Variants in SLMAP observed in about 807,000 individuals in gnomAD.
The protein encoded by SLMAP is sarcolemmal membrane-associated protein.
SLMAP carries 44 observed loss-of-function variants against 128.8 expected under a neutral mutation model. The observed-to-expected ratio is 0.34, with a 90% CI of 0.27 to 0.44. The LOEUF (loss-of-function observed/expected upper bound fraction) is 0.44, where lower values mean the gene tolerates loss of function less well. SLMAP is among the 20% of genes least tolerant of loss of function. The probability of loss-of-function intolerance (pLI) is 1.00; values close to 1 mark genes in which losing one functional copy is unlikely to be tolerated. For missense variants in SLMAP, 787 were observed against 985.3 expected, an observed-to-expected ratio of 0.80 and a Z score of 2.69; for synonymous variants, 327 against 348.8, an observed-to-expected ratio of 0.94 and a Z score of 0.70.
chr3:57,825,054 C>T (rs561392589), intron 2 of SLMAP, among the ~76,000 whole-genome samples: 4 of 152,136 alleles, frequency 2.6e-5, no homozygotes, highest in African/African-American at 9.6e-5. Flanking sequence ...TTGAATTATT[C>T]ATTGCTGGTA....
Position 57,839,480 on chromosome 3 carries a change from A to G in SLMAP, c.347-1819A>G, listed in dbSNP as rs1577347924. On this transcript the variant is annotated intron_variant, in intron 3 of 24. Coordinates refer to ENST00000671191, the MANE Select transcript of SLMAP (RefSeq NM_001377540.1). The stretch of plus-strand genomic sequence containing the variant: ...TTTTGAGATGGAGTCTCGCTCTGTC[A>G]CCCAGGCTGGAGTGCAGTGGCATGG... Among the ~76,000 whole-genome samples, 8 of 118,520 alleles carry G rather than the reference A, an allele frequency of 6.7e-5. 1 individual carries two copies. The Admixed American group carries it at 9.5e-4, about 14-fold the overall frequency. The allele number at this position is 118,520 out of a possible 152,430, so 77.8% of individuals were successfully genotyped here.
intron 10 of SLMAP, 22 bp downstream of exon 10, chr3:57,862,108 A>G: frequency 1.3e-6 from 2 of 1,533,714 alleles, no homozygotes; most frequent in Non-Finnish European, 1.8e-6. Context: ...CTCTGCCTGA[A>G]AGTATGTTAA....
intron 2 of SLMAP, among the ~76,000 whole-genome samples, chr3:57,818,724 G>A (rs1185314019): frequency 6.6e-6 from 1 of 152,128 alleles, no homozygotes; most frequent in Non-Finnish European, 1.5e-5. Context: ...TACCTTTGAT[G>A]GTAGTGAAAG....
At position 57,818,383 on chromosome 3, in the gene SLMAP, G is replaced by A. The variant is rs181756199; in HGVS notation, c.199-13000G>A. On this transcript the variant is annotated intron_variant, in intron 2 of 24. Coordinates refer to ENST00000671191, the MANE Select transcript of SLMAP (RefSeq NM_001377540.1). ...TTGGTCAGGCTGGTCTCGAACTCCC[G>A]ACCTCAGGTGATCCACCCGCCTCGG... 2.5e-3 allele frequency among the ~76,000 whole-genome samples: 386 copies of A among 152,238 alleles called. 1 individual carries two copies. In the East Asian group the frequency reaches 0.031, roughly 12 times the overall value.
rs143689400 is a variant in SLMAP, at chr3:57,917,039, A to T, written c.2272A>T (p.Ser758Cys). 2.0e-3 allele frequency: 3,231 copies of T among 1,613,986 alleles called. 4 individuals are homozygous for T. Among genetic ancestry groups the T allele is most frequent in the Non-Finnish European group, 2.5e-3 (2,965 of 1,179,922 alleles). ...RDSADLKTLL[S>C]KAENQAKDVQ... ...TTCAGCTGATTTAAAAACTCTTCTC[A>T]GTAAGGCAGAAAACCAAGCAAAGGA... is the stretch of plus-strand genomic sequence containing the variant. Residue 758 changes from serine (S) to cysteine (C), a missense_variant, in exon 22 of 25, where the codon AGT becomes TGT. This residue lies in a region of SLMAP where 715 missense variants were observed against 843.6 expected (regional missense o/e 0.85). Coordinates refer to ENST00000671191, the MANE Select transcript of SLMAP (RefSeq NM_001377540.1).
At chr3:57,828,491 G>C (rs970958723) in intron 2 of SLMAP, among the ~76,000 whole-genome samples, 1 of 152,162 alleles carries the variant, frequency 6.6e-6, no homozygotes, top group African/African-American at 2.4e-5. Flanking sequence ...CAGAGGGTTA[G>C]GGGGATGAAT....
At chr3:57,895,652 T>G (rs1464447569) in intron 15 of SLMAP, among the ~76,000 whole-genome samples, 1 of 151,868 alleles carries the variant, frequency 6.6e-6, no homozygotes, top group African/African-American at 2.4e-5. Flanking sequence ...TTTAAAAAGT[T>G]TTTTCTTGGC....
chr3:57,865,654 G>C (rs1006343852), intron 13 of SLMAP, among the ~76,000 whole-genome samples: 1 of 152,032 alleles, frequency 6.6e-6, no homozygotes, highest in Admixed American at 6.6e-5. Flanking sequence ...TAAAACATTC[G>C]AGTTTATTTA....
intron 2 of SLMAP, among the ~76,000 whole-genome samples, chr3:57,767,102 A>G (rs1174721897): frequency 2.6e-5 from 4 of 151,918 alleles, no homozygotes; most frequent in African/African-American, 9.7e-5. Flanking sequence ...TATTTTTAGT[A>G]GAGATGGGAT....
At chr3:57,764,824 A>G (rs1376253939) in intron 2 of SLMAP, among the ~76,000 whole-genome samples, 3 of 152,248 alleles carry the variant, frequency 2.0e-5, no homozygotes, top group South Asian at 2.1e-4. Flanking sequence ...TAAAGGCTTT[A>G]TAACACTTTA....
At chr3:57,923,665 G>C (rs1331081899) in intron 23 of SLMAP, among the ~76,000 whole-genome samples, 1 of 152,218 alleles carries the variant, frequency 6.6e-6, no homozygotes, top group Non-Finnish European at 1.5e-5. Flanking sequence ...TGTGGGCCCT[G>C]ATAGATGTTT....
intron 5 of SLMAP, 33 bp downstream of exon 5, chr3:57,847,266 A>G: frequency 6.5e-7 from 1 of 1,545,448 alleles, no homozygotes; most frequent in African/African-American, 1.4e-5. Context: ...TTCCAAACTG[A>G]CTCAGCTATG....
At chr3:57,860,863 C>T (rs775977895) in intron 9 of SLMAP, 24 bp downstream of exon 9, 1 of 1,537,874 alleles carries the variant, frequency 6.5e-7, no homozygotes, top group South Asian at 1.2e-5. Flanking sequence ...AAAAAAAATA[C>T]TAAATAGTAT....
At chr3:57,850,522 C>A (rs752461255) in intron 6 of SLMAP, among the ~76,000 whole-genome samples, 5 of 152,062 alleles carry the variant, frequency 3.3e-5, no homozygotes, top group Non-Finnish European at 7.4e-5. Context: ...GGGCTCAAGT[C>A]TTTTTCCTGC....
At chr3:57,846,091 T>C (rs1366100637) in intron 4 of SLMAP, among the ~76,000 whole-genome samples, 1 of 152,142 alleles carries the variant, frequency 6.6e-6, no homozygotes, top group African/African-American at 2.4e-5. Context: ...CCGCCCACCT[T>C]GGCCTCCCAA....
chr3:57,780,405 A>G lies in SLMAP; in HGVS notation c.198+22556A>G, dbSNP rs528293187. ...AGCGATCTGCCTGCCTTGGCCTCCCAAAGTGCCAGGTTTACAGGCAAGAAC... is the reference window on the plus strand; with the variant it reads ...AGCGATCTGCCTGCCTTGGCCTCCCGAAGTGCCAGGTTTACAGGCAAGAAC... On this transcript the variant is annotated intron_variant, in intron 2 of 24. Transcript: ENST00000671191. Among the ~76,000 whole-genome samples the G allele has an allele frequency of 7.2e-5, 11 of 151,920 alleles. No individual in the cohort carries two copies. In the South Asian group the frequency reaches 2.3e-3, roughly 32 times the overall value.
chr3:57,916,940 C>A lies in SLMAP; in HGVS notation c.2173C>A (p.Leu725Ile), dbSNP rs1489306794. 9.3e-6 allele frequency: 15 copies of A among 1,613,862 alleles called. No homozygotes were observed. The highest frequency in any genetic ancestry group is 1.3e-5 in the Non-Finnish European group (15 of 1,179,878). Residue 725 changes from leucine (L) to isoleucine (I), a missense_variant, in exon 22 of 25, where the codon CTC (leucine) becomes ATC (isoleucine). Physicochemically the swap from Leu to Ile is conservative, Grantham distance 5 (BLOSUM62 2). Around this residue, in one of 2 missense-constraint regions of SLMAP, gnomAD observed 715 missense variants for 843.6 expected, o/e 0.85. Coordinates refer to ENST00000671191, the MANE Select transcript of SLMAP (RefSeq NM_001377540.1). ...GCAGAGTTTAGAGCTTACCAGTGAT[C>A]TCAGCATCCTTCAAATGTCTAGGAA... ...QKQSLELTSD[L>I]SILQMSRKEL... is the part of the protein sequence containing the mutation.
Position 57,927,481 on chromosome 3 carries a change from C to A in SLMAP, c.*192C>A. On this transcript the variant is annotated 3_prime_UTR_variant, in exon 25 of 25. Coordinates refer to ENST00000671191, the MANE Select transcript of SLMAP (RefSeq NM_001377540.1). ...ACAGAACCATTTTCTTCCTCTTTAC[C>A]TCTTAAAACAGCAGAAGTACAAGAA... 1.6e-6 allele frequency: 1 copy of A among 612,462 alleles called. No individual in the cohort carries two copies. 37.9% of individuals were successfully genotyped at this position (612,462 alleles called of 1,614,324 possible).
chr3:57,766,653 CT>C (rs1266938035), intron 2 of SLMAP, among the ~76,000 whole-genome samples: 3 of 152,112 alleles, frequency 2.0e-5, no homozygotes, highest in Admixed American at 6.5e-5. Context: ...ATCTTATTTT[CT>C]TTTTTTCTAG....
Sources: gnomAD v4.1 joint callset for allele counts (sites outside exome capture counted in the v4.1 genomes callset) on GRCh38, gnomAD v4.1.1 for gene constraint, gnomAD v4.1.1 regional missense constraint, MANE v1.5 for transcripts, NCBI Gene and HGNC (gene_info 2026-07-23, HGNC 2026-07-21) for gene names.